The following GRM7 variants were observed in gnomAD, a reference collection of about 807,000 sequenced individuals.
GRM7 encodes metabotropic glutamate receptor 7.
GRM7 carries 35 observed loss-of-function variants against 84.5 expected under a neutral mutation model. That is an observed-to-expected ratio of 0.41 (90% confidence interval 0.32 to 0.55). The LOEUF (loss-of-function observed/expected upper bound fraction) is 0.55, where lower values mean the gene tolerates loss of function less well. GRM7 is among the 20% of genes least tolerant of loss of function. The pLI, the probability that GRM7 is intolerant of heterozygous loss-of-function variation, is 0.19. For synonymous variants in GRM7, 487 were observed against 455.1 expected (o/e 1.07, Z -0.89); for missense variants, 1,003 against 1,194.6 (o/e 0.84, Z 2.36).
intron 4 of GRM7, among the ~76,000 whole-genome samples, chr3:7,351,493 G>T (rs540360357): frequency 6.6e-6 from 1 of 152,156 alleles, no homozygotes; most frequent in African/African-American, 2.4e-5. Flanking sequence ...AACTTGACTG[G>T]ATTGAAGGTT....
chr3:7,024,557 C>T (rs1044835661), intron 1 of GRM7, among the ~76,000 whole-genome samples: 24 of 152,210 alleles, frequency 1.6e-4, no homozygotes, highest in African/African-American at 5.8e-4. Flanking sequence ...ACTGCTGGGG[C>T]AGGTGCATGA....
At chr3:7,178,723 C>A (rs187230607) in intron 2 of GRM7, among the ~76,000 whole-genome samples, 5 of 152,072 alleles carry the variant, frequency 3.3e-5, no homozygotes, top group African/African-American at 9.6e-5. Flanking sequence ...AGTAGATATA[C>A]TTATTCAGTA....
chr3:7,561,641 A>C, intron 7 of GRM7: 2 of 450,310 alleles, frequency 4.4e-6, no homozygotes, highest in Non-Finnish European at 9.0e-6. Flanking sequence ...CAGTCTTGGA[A>C]GATAATGTGA....
rs150869050 is a variant in GRM7 at position 7,593,311 on chromosome 3, T to G, written c.2451+13954T>G. ...TTTGCGGGGTTTTGGCACTTTCCAG[T>G]TTCAAACATTTATTGATTCATCCCA... On this transcript the variant is annotated intron_variant, in intron 8 of 9. Transcript: ENST00000357716. Among the ~76,000 whole-genome samples, 228 of 152,254 alleles carry G rather than the reference T, an allele frequency of 1.5e-3. 1 individual carries two copies. The highest frequency in any genetic ancestry group is 0.01 in the Admixed American group (153 of 15,286).
intron 1 of GRM7, among the ~76,000 whole-genome samples, chr3:7,093,049 C>A (rs1048977203): frequency 1.3e-5 from 2 of 152,132 alleles, no homozygotes; most frequent in African/African-American, 4.8e-5. Flanking sequence ...GGTAACAGAA[C>A]AAGACCCTGT....
intron 5 of GRM7, among the ~76,000 whole-genome samples, chr3:7,429,917 C>T (rs1259934931): frequency 6.6e-6 from 1 of 151,842 alleles, no homozygotes; most frequent in Non-Finnish European, 1.5e-5. Context: ...ATTTAGAAAC[C>T]ACAAAAGAAA....
rs780071285 is a variant in GRM7, at chr3:6,861,628, A to G, written c.240A>G (p.Glu80=). 1 of 1,613,540 alleles carries G rather than the reference A, an allele frequency of 6.2e-7. No individual in the cohort carries two copies. Residue 80 remains glutamate (E), a synonymous_variant, in exon 1 of 10, where the codon GAA becomes GAG. Transcript: ENST00000357716. This position sits in a 1 kb window ranked among gnomAD's most constrained non-coding sequence, Gnocchi z 6.4. ...GGGAAAACGGGATCCACAGGCTGGA[A>G]GCGATGCTCTACGCCCTGGACCAGA... The part of the protein sequence containing the change: ...IKRENGIHRL[E]AMLYALDQIN...
chr3:7,329,003 TAAAG>T (rs1465771115), intron 4 of GRM7, among the ~76,000 whole-genome samples: 6 of 152,090 alleles, frequency 3.9e-5, no homozygotes, highest in African/African-American at 1.4e-4. Flanking sequence ...TTAGCTTTGA[TAAAG>T]AACCATAAAT....
At chr3:7,550,973 A>T (rs1051828433) in intron 7 of GRM7, among the ~76,000 whole-genome samples, 1 of 152,198 alleles carries the variant, frequency 6.6e-6, no homozygotes, top group Non-Finnish European at 1.5e-5. Flanking sequence ...TCAGGGTTAG[A>T]ATCCCCATTC....
At chr3:7,604,732 CAG>C (rs779563094) in intron 8 of GRM7, among the ~76,000 whole-genome samples, 1 of 152,098 alleles carries the variant, frequency 6.6e-6, no homozygotes, top group Non-Finnish European at 1.5e-5. Flanking sequence ...AAAAGGAAGA[CAG>C]ATACATTGAA....
chr3:7,452,844 A>T, intron 6 of GRM7, 37 bp downstream of exon 6: 1 of 1,284,360 alleles, frequency 7.8e-7, no homozygotes. Flanking sequence ...TGGAATCCTA[A>T]GTGTTGGCAT....
intron 1 of GRM7, among the ~76,000 whole-genome samples, chr3:6,981,160 A>G (rs1353029464): frequency 6.6e-6 from 1 of 152,150 alleles, no homozygotes; most frequent in Non-Finnish European, 1.5e-5. Flanking sequence ...TTGAGACACA[A>G]CTGATTTCTG....
chr3:7,230,738 A>G (rs1040349179), intron 2 of GRM7, among the ~76,000 whole-genome samples: 12 of 152,292 alleles, frequency 7.9e-5, no homozygotes, highest in African/African-American at 2.9e-4. Context: ...ATCTGGAAAG[A>G]CTTTAAAATC....
At chr3:7,726,015 G>A (rs1025536382) in intron 9 of GRM7, among the ~76,000 whole-genome samples, 2 of 151,596 alleles carry the variant, frequency 1.3e-5, no homozygotes, top group African/African-American at 4.8e-5. Context: ...CACATTGTGT[G>A]GGGGAAAAAT....
chr3:7,065,857 G>A (rs1288863090), intron 1 of GRM7, among the ~76,000 whole-genome samples: 1 of 151,588 alleles, frequency 6.6e-6, no homozygotes, highest in East Asian at 1.9e-4. Context: ...GAATACAACT[G>A]GAAATCAACT....
chr3:7,360,674 T>A lies in GRM7; in HGVS notation c.1033+54022T>A, dbSNP rs117519328. ...CCACATAAATTAGCAAGGTTTGGAC[T>A]GTATTTCAGGCTGGTTTTATCAATC... On this transcript the variant is annotated intron_variant, in intron 4 of 9. Coordinates refer to ENST00000357716, the MANE Select transcript of GRM7 (RefSeq NM_000844.4). Among the ~76,000 whole-genome samples the A allele has an allele frequency of 2.6e-5, 4 of 152,284 alleles. No homozygotes were observed. The East Asian group carries it at 5.8e-4, about 22-fold the overall frequency.
chr3:7,115,776 G>A (rs1193297049), intron 1 of GRM7, among the ~76,000 whole-genome samples: 1 of 152,096 alleles, frequency 6.6e-6, no homozygotes, highest in Non-Finnish European at 1.5e-5. Flanking sequence ...TGATTATTCT[G>A]TACAAATAGA....
chr3:7,190,951 C>T (rs561609690), intron 2 of GRM7, among the ~76,000 whole-genome samples: 90 of 152,228 alleles, frequency 5.9e-4, no homozygotes, highest in Non-Finnish European at 8.8e-5. Context: ...TTGGCCTCCA[C>T]CTTACATAAA....
intron 4 of GRM7, among the ~76,000 whole-genome samples, chr3:7,405,051 C>G (rs561200641): frequency 6.6e-6 from 1 of 152,206 alleles, no homozygotes; most frequent in African/African-American, 2.4e-5. Context: ...CATTTATGTT[C>G]AGTAGCTAAA....
Sources: allele counts gnomAD v4.1 joint callset (sites outside exome capture counted in the v4.1 genomes callset), GRCh38; gene constraint gnomAD v4.1.1; non-coding constraint Gnocchi (gnomAD v3.1); transcripts MANE v1.5; gene names NCBI Gene and HGNC (gene_info 2026-07-23, HGNC 2026-07-21).